The following PCGF5 variants were observed in gnomAD, a reference collection of about 807,000 sequenced individuals.
PCGF5 encodes the protein polycomb group RING finger protein 5.
Under a neutral mutation model 44.3 loss-of-function variants are expected in PCGF5, and 9 were observed. The ratio of observed to expected loss-of-function variants is 0.20; its 90% CI spans 0.12 to 0.35. The LOEUF (loss-of-function observed/expected upper bound fraction) is 0.35. Ranked by LOEUF, PCGF5 falls within the 10% of genes least tolerant of loss-of-function variation. PCGF5 has a pLI of 1.00. For missense variants in PCGF5, 146 were observed against 305.3 expected (o/e 0.48, Z 3.89); for synonymous variants, 95 against 102.5 (o/e 0.93, Z 0.44).
At position 91,188,428 on chromosome 10, in the gene PCGF5, A is replaced by T. The variant is rs192747597; in HGVS notation, c.-184+25347A>T. Among the ~76,000 whole-genome samples the T allele has an allele frequency of 1.4e-3, 212 of 152,352 alleles. 2 individuals are homozygous for T. Among genetic ancestry groups the T allele is most frequent in the Non-Finnish European group, 2.5e-4 (17 of 68,022 alleles). ...TTATTACAATGAAGACCCTAGAAGC[A>T]GAAAATACAATTTTATGTATATTAA... On this transcript the variant is annotated intron_variant, in intron 1 of 9. Transcript: ENST00000614189.
At chr10:91,264,400 G>A (rs375493108) in intron 7 of PCGF5, 31 bp from the exon 8 acceptor site, 1 of 1,487,794 alleles carries the variant, frequency 6.7e-7, no homozygotes, top group African/African-American at 1.4e-5. Flanking sequence ...TCAACATTAT[G>A]TTAATAGATC....
At chr10:91,160,498 A>G (rs930772648), upstream of PCGF5, among the ~76,000 whole-genome samples, 2 of 152,290 alleles carry the variant, frequency 1.3e-5, no homozygotes, top group Middle Eastern at 3.4e-3. Context: ...TAAAATATCT[A>G]CTACACTGTC....
chr10:91,244,533 G>A (rs1285919268), intron 3 of PCGF5, among the ~76,000 whole-genome samples: 3 of 152,164 alleles, frequency 2.0e-5, no homozygotes, highest in African/African-American at 7.2e-5. Flanking sequence ...GGGAGCCTCT[G>A]CAGGATTTTG....
intron 1 of PCGF5, among the ~76,000 whole-genome samples, chr10:91,188,489 C>G (rs930231241): frequency 1.3e-5 from 2 of 152,288 alleles, no homozygotes; most frequent in East Asian, 3.9e-4. Context: ...GAACAATAAA[C>G]TTTAAAACCA....
chr10:91,259,842 G>T (rs1845851470), intron 6 of PCGF5, among the ~76,000 whole-genome samples: 1 of 152,108 alleles, frequency 6.6e-6, no homozygotes, highest in Non-Finnish European at 1.5e-5. Context: ...TTACATGTTA[G>T]ACCTAAAACC....
chr10:91,261,929 T>C lies in PCGF5; in HGVS notation c.573+505T>C, dbSNP rs1409723732. Among the ~76,000 whole-genome samples, 4 of 152,258 alleles carry C rather than the reference T, an allele frequency of 2.6e-5. No individual in the cohort carries two copies. The East Asian group carries it at 5.8e-4, about 22-fold the overall frequency. On this transcript the variant is annotated intron_variant, in intron 7 of 9. Coordinates refer to ENST00000336126, the MANE Select transcript of PCGF5 (RefSeq NM_032373.5). ...AGCTGCATAAATGTAATTTACCAGT[T>C]TATTTACAGAAGAGGTAAACTGCCC...
intron 9 of PCGF5, among the ~76,000 whole-genome samples, chr10:91,277,100 C>G (rs1846335800): frequency 6.6e-6 from 1 of 152,216 alleles, no homozygotes; most frequent in Non-Finnish European, 1.5e-5. Context: ...GTAGCATCTG[C>G]TGTACTTCAC....
chr10:91,255,258 G>A (rs1260387712), intron 6 of PCGF5, among the ~76,000 whole-genome samples: 1 of 152,090 alleles, frequency 6.6e-6, no homozygotes, highest in Non-Finnish European at 1.5e-5. Flanking sequence ...AACATTTGGA[G>A]CAAACAAGAG....
intron 1 of PCGF5, among the ~76,000 whole-genome samples, chr10:91,197,254 T>A (rs2133225978): frequency 6.6e-6 from 1 of 152,306 alleles, no homozygotes; most frequent in East Asian, 1.9e-4. Context: ...GGGGAAATCA[T>A]CTGAAGGCTC....
chr10:91,181,684 A>G (rs1451681339), intron 1 of PCGF5, among the ~76,000 whole-genome samples: 2 of 152,208 alleles, frequency 1.3e-5, no homozygotes, highest in African/African-American at 4.8e-5. Context: ...TGATTTGTGT[A>G]TGTTGAACCA....
chr10:91,206,407 A>C (rs1236974030), intron 1 of PCGF5, among the ~76,000 whole-genome samples: 1 of 152,166 alleles, frequency 6.6e-6, no homozygotes, highest in East Asian at 1.9e-4. Flanking sequence ...CCAAAGAGAC[A>C]ATTTCTGATG....
At chr10:91,241,295 C>T (rs1845318474) in intron 3 of PCGF5, among the ~76,000 whole-genome samples, 1 of 151,926 alleles carries the variant, frequency 6.6e-6, no homozygotes, top group African/African-American at 2.4e-5. Flanking sequence ...TCTCAAACTC[C>T]CGACCTCAGG....
chr10:91,238,601 C>CTTTTCTTTCTT (rs1845235491), intron 2 of PCGF5, among the ~76,000 whole-genome samples: 1 of 58,440 alleles, frequency 1.7e-5, no homozygotes, highest in African/African-American at 7.0e-5. Flanking sequence ...TTCTTTCTTT[C>CTTTTCTTTCTT]TTTTTTTTTT....
chr10:91,240,388 T>G, intron 2 of PCGF5, 96 bp from the exon 3 acceptor site: 1 of 695,422 alleles, frequency 1.4e-6, no homozygotes, highest in East Asian at 2.8e-5. Context: ...CTACTTGTAG[T>G]AGGTAGTTTT....
At chr10:91,160,423 C>T (rs968522262), upstream of PCGF5, among the ~76,000 whole-genome samples, 23 of 152,128 alleles carry the variant, frequency 1.5e-4, no homozygotes, top group African/African-American at 5.6e-4. Flanking sequence ...ATAGCAAAGT[C>T]ACCAGATTAT....
At chr10:91,171,703 G>A (rs1843609053) in intron 1 of PCGF5, among the ~76,000 whole-genome samples, 1 of 152,170 alleles carries the variant, frequency 6.6e-6, no homozygotes, top group Non-Finnish European at 1.5e-5. Flanking sequence ...AAACGAATGT[G>A]GAGGGAGGTT....
chr10:91,283,821 G>A lies in PCGF5; in HGVS notation c.*5505G>A, dbSNP rs1334959073. The A allele has an allele frequency of 6.6e-6, 1 of 152,508 alleles. No homozygotes were observed. The highest frequency in any genetic ancestry group is 6.5e-5 in the Admixed American group (1 of 15,278). The allele number at this position is 152,508 out of a possible 1,614,324, so 9.4% of individuals were successfully genotyped here. A position where few individuals can be genotyped will look rare whatever the true frequency, so the allele number is the denominator to read the frequency against. On this transcript the variant is annotated 3_prime_UTR_variant, in exon 10 of 10. Coordinates refer to ENST00000336126, the MANE Select transcript of PCGF5 (RefSeq NM_032373.5). ...ATAGAATATATTGTAAAGTTATGTT[G>A]CTAATTTTCCTTTGAAATATAAAAT...
chr10:91,190,777 T>C (rs1844018362), intron 1 of PCGF5, among the ~76,000 whole-genome samples: 1 of 152,210 alleles, frequency 6.6e-6, no homozygotes, highest in East Asian at 1.9e-4. Flanking sequence ...ATCTGGATTA[T>C]TGTGCTGGTT....
chr10:91,173,873 A>G (rs986557098), intron 1 of PCGF5, among the ~76,000 whole-genome samples: 3 of 151,928 alleles, frequency 2.0e-5, no homozygotes, highest in African/African-American at 4.8e-5. Context: ...ATATGTCAGA[A>G]AAGTCCTCAT....
Sources: allele counts gnomAD v4.1 joint callset (sites outside exome capture counted in the v4.1 genomes callset), GRCh38; gene constraint gnomAD v4.1.1; transcripts MANE v1.5; gene names NCBI Gene and HGNC (gene_info 2026-07-23, HGNC 2026-07-21).